DLEC1: variants seen among roughly 807,000 people sequenced by gnomAD.
The protein encoded by DLEC1 is deleted in lung and esophageal cancer protein 1.
A neutral mutation model predicts 198.1 loss-of-function variants in DLEC1; 146 were observed. The ratio of observed to expected loss-of-function variants is 0.74; its 90% CI spans 0.64 to 0.85. The LOEUF (loss-of-function observed/expected upper bound fraction) is 0.85, where lower values mean the gene tolerates loss of function less well. Ranked by LOEUF, DLEC1 falls within the 40% of genes least tolerant of loss-of-function variation. DLEC1 has a pLI of 0.00. For synonymous variants in DLEC1, 897 were observed against 866.8 expected (o/e 1.03, Z -0.61); for missense variants, 2,233 against 2,220.0 (o/e 1.01, Z -0.12).
At chr3:38,096,051 T>G in intron 14 of DLEC1, 105 bp downstream of exon 14, 1 of 1,389,720 alleles carries the variant, frequency 7.2e-7, no homozygotes, top group South Asian at 1.2e-5. Flanking sequence ...GGCAGCCTGG[T>G]CCCCGCAGGC....
chr3:38,094,750 G>A, intron 12 of DLEC1, 129 bp from the exon 13 acceptor site: 2 of 1,084,514 alleles, frequency 1.8e-6, no homozygotes, highest in Non-Finnish European at 1.3e-6. Context: ...GGGTGTGAAG[G>A]CTGACCTGGT....
intron 3 of DLEC1, among the ~76,000 whole-genome samples, chr3:38,061,735 A>G (rs1223417121): frequency 2.6e-5 from 4 of 152,124 alleles, no homozygotes; most frequent in Non-Finnish European, 4.4e-5. Flanking sequence ...AAGCACAACC[A>G]TAACTCACTA....
At chr3:38,084,314 A>G (rs369919691) in intron 7 of DLEC1, 69 bp downstream of exon 7, 6 of 1,384,296 alleles carry the variant, frequency 4.3e-6, no homozygotes, top group Non-Finnish European at 6.1e-6. Context: ...TAGTAATAGT[A>G]GTAGTGGTGG....
chr3:38,052,231 C>T (rs904891403), intron 2 of DLEC1: 5 of 470,736 alleles, frequency 1.1e-5, no homozygotes, highest in African/African-American at 6.0e-5. Flanking sequence ...CCATAGTGGG[C>T]AGTACCTGAT....
Position 38,039,555 on chromosome 3 carries a change from C to T in DLEC1, c.330C>T (p.Gly110=). Residue 110 remains glycine, a synonymous_variant, in exon 1 of 37, where the codon GGC becomes GGT. Transcript: ENST00000308059. ...FRNLYSAEVI[G]DEVSASLIKA... Reference sequence around the variant, plus strand: ...ACTTGTACTCAGCCGAGGTCATCGGCGACGAAGTGAGCGCAAGCTTGATCA... The same window carrying T: ...ACTTGTACTCAGCCGAGGTCATCGGTGACGAAGTGAGCGCAAGCTTGATCA... The T allele has an allele frequency of 6.2e-7, 1 of 1,613,962 alleles. No individual in the cohort carries two copies.
intron 2 of DLEC1, among the ~76,000 whole-genome samples, chr3:38,053,176 A>G (rs1478285659): frequency 1.3e-5 from 2 of 152,152 alleles, no homozygotes; most frequent in African/African-American, 2.4e-5. Flanking sequence ...TTGGCCTCCC[A>G]AAGTGCCGAG....
At chr3:38,119,721 A>G (rs1700357569) in intron 33 of DLEC1, among the ~76,000 whole-genome samples, 2 of 152,008 alleles carry the variant, frequency 1.3e-5, no homozygotes, top group South Asian at 4.2e-4. Context: ...ATTTGCAGAG[A>G]TAAGGTCTCA....
intron 19 of DLEC1, among the ~76,000 whole-genome samples, chr3:38,106,755 C>CAAA (rs4019982): frequency 7.5e-4 from 29 of 38,882 alleles, no homozygotes; most frequent in Non-Finnish European, 1.2e-3. Context: ...GACTCTATCT[C>CAAA]AAAAAAAAAA....
intron 26 of DLEC1, 148 bp from the exon 27 acceptor site, chr3:38,114,835 G>T: frequency 1.4e-6 from 1 of 702,870 alleles, no homozygotes; most frequent in East Asian, 2.7e-5. Flanking sequence ...CCTGGGGAAG[G>T]CACCAGCCCC....
intron 6 of DLEC1, among the ~76,000 whole-genome samples, chr3:38,068,758 A>C (rs1330067883): frequency 3.3e-5 from 5 of 152,212 alleles, no homozygotes; most frequent in Non-Finnish European, 5.9e-5. Context: ...GAAGGATTGA[A>C]TTATTGATAA....
At chr3:38,090,374 T>C (rs568050595) in intron 10 of DLEC1, among the ~76,000 whole-genome samples, 3 of 152,342 alleles carry the variant, frequency 2.0e-5, no homozygotes, top group Admixed American at 2.0e-4. Context: ...CCCCCATTTT[T>C]TTCTTCACAC....
chr3:38,073,939 G>A (rs2125640040), intron 6 of DLEC1, among the ~76,000 whole-genome samples: 1 of 152,344 alleles, frequency 6.6e-6, no homozygotes, highest in East Asian at 1.9e-4. Context: ...GCTAAGCTGA[G>A]CAGATCTGGG....
chr3:38,118,425 G>C (rs1486934608), intron 33 of DLEC1, among the ~76,000 whole-genome samples: 1 of 152,174 alleles, frequency 6.6e-6, no homozygotes, highest in Non-Finnish European at 1.5e-5. Flanking sequence ...GCTCAGGTGA[G>C]CCCATGGGGT....
intron 1 of DLEC1, among the ~76,000 whole-genome samples, chr3:38,040,442 A>C (rs974630475): frequency 1.3e-5 from 2 of 152,210 alleles, no homozygotes; most frequent in Non-Finnish European, 2.9e-5. Flanking sequence ...TGTAGCTTTC[A>C]ACCTAACTGA....
chr3:38,041,818 A>G (rs973133393), intron 1 of DLEC1, among the ~76,000 whole-genome samples: 20 of 148,772 alleles, frequency 1.3e-4, no homozygotes, highest in African/African-American at 2.0e-4. Flanking sequence ...ACTGCACTCC[A>G]GCCTGGGCGA....
At chr3:38,102,598 C>G (rs1370614522) in intron 19 of DLEC1, among the ~76,000 whole-genome samples, 1 of 152,104 alleles carries the variant, frequency 6.6e-6, no homozygotes, top group Admixed American at 6.5e-5. Context: ...AGTTGATTTG[C>G]ATAAGGAGCT....
At chr3:38,095,996 C>G (rs747415987) in intron 14 of DLEC1, 50 bp downstream of exon 14, 12 of 1,605,808 alleles carry the variant, frequency 7.5e-6, no homozygotes, top group Non-Finnish European at 1.0e-5. Flanking sequence ...GGCCTTCCCC[C>G]ACCTTGGGGG....
At position 38,122,750 on chromosome 3, in the gene DLEC1, CT is replaced by C. The variant is rs1301114712; in HGVS notation, c.*339del. The C allele has an allele frequency of 7.8e-7, 1 of 1,276,404 alleles. No individual in the cohort carries two copies. The highest frequency in any genetic ancestry group is 1.0e-6 in the Non-Finnish European group (1 of 964,210). The allele number at this position is 1,276,404 out of a possible 1,614,324, so 79.1% of individuals were successfully genotyped here. A position where few individuals can be genotyped will look rare whatever the true frequency, so the allele number is the denominator to read the frequency against. Reference sequence around the variant, plus strand: ...CACTTTTACTATGCCCATTGCACTTCTCATCCATGGATTTGCCTTGCCTTAA... The same window carrying C: ...CACTTTTACTATGCCCATTGCACTTCCATCCATGGATTTGCCTTGCCTTAA... On this transcript the variant is annotated 3_prime_UTR_variant, in exon 37 of 37. Transcript: ENST00000308059.
At chr3:38,092,714 AGAG>A (rs1001534078) in intron 10 of DLEC1, 73 bp from the exon 11 acceptor site, 7 of 1,303,156 alleles carry the variant, frequency 5.4e-6, no homozygotes, top group Admixed American at 1.7e-5. Context: ...TGTGTGTCCG[AGAG>A]GAGGAGGGTG....
Sources: allele counts gnomAD v4.1 joint callset (sites outside exome capture counted in the v4.1 genomes callset), GRCh38; gene constraint gnomAD v4.1.1; transcripts MANE v1.5; gene names NCBI Gene and HGNC (gene_info 2026-07-23, HGNC 2026-07-21).